WDR72: variants seen among roughly 807,000 people sequenced by gnomAD.
The protein encoded by WDR72 is WD repeat domain 72.
WDR72 carries 120 observed loss-of-function variants against 124.2 expected under a neutral mutation model. The observed-to-expected ratio is 0.97, with a 90% confidence interval of 0.83 to 1.12. WDR72 has a LOEUF of 1.12. Ranked by LOEUF, WDR72 falls within the 50% of genes most tolerant of loss-of-function variation. The pLI is 0.00. For missense variants in WDR72, 1,387 were observed against 1,278.8 expected (o/e 1.08, Z -1.29); for synonymous variants, 452 against 441.7 (o/e 1.02, Z -0.29).
intron 13 of WDR72, among the ~76,000 whole-genome samples, 191 bp downstream of exon 13, chr15:53,699,559 G>A (rs1198879693): frequency 6.6e-6 from 1 of 152,122 alleles, no homozygotes; most frequent in Non-Finnish European, 1.5e-5. Context: ...ATCATCAGTT[G>A]GTCAGGATCT....
chr15:53,583,562 G>GA (rs1266133686), intron 18 of WDR72, among the ~76,000 whole-genome samples: 9 of 151,432 alleles, frequency 5.9e-5, no homozygotes, highest in Admixed American at 4.6e-4. Context: ...TTACCACAGG[G>GA]AAAAAAAAGT....
intron 15 of WDR72, 90 bp downstream of exon 15, chr15:53,615,336 A>G: frequency 2.9e-6 from 3 of 1,045,046 alleles, no homozygotes; most frequent in Non-Finnish European, 4.2e-6. Context: ...GAAAGAAGGA[A>G]GGAATGTTAA....
At chr15:53,747,544 A>G (rs2018672112) in intron 1 of WDR72, among the ~76,000 whole-genome samples, 2 of 152,258 alleles carry the variant, frequency 1.3e-5, no homozygotes, top group Admixed American at 1.3e-4. Context: ...TTTGAATTCC[A>G]AACACTCATG....
At chr15:53,605,101 A>G (rs926304833) in intron 17 of WDR72, among the ~76,000 whole-genome samples, 1 of 152,248 alleles carries the variant, frequency 6.6e-6, no homozygotes, top group African/African-American at 2.4e-5. Flanking sequence ...ATGTCAATCA[A>G]TGGTAGACTG....
intron 18 of WDR72, among the ~76,000 whole-genome samples, chr15:53,540,006 C>G (rs972612953): frequency 4.6e-5 from 7 of 152,028 alleles, no homozygotes; most frequent in African/African-American, 1.7e-4. Context: ...TGGTGGAATG[C>G]AAACCAAAGA....
At chr15:53,702,851 C>T (rs974882437) in intron 11 of WDR72, among the ~76,000 whole-genome samples, 4 of 151,928 alleles carry the variant, frequency 2.6e-5, no homozygotes, top group African/African-American at 9.7e-5. Context: ...GTGAATACTT[C>T]GTACATTTAC....
intron 14 of WDR72, among the ~76,000 whole-genome samples, chr15:53,623,124 A>C (rs2014067897): frequency 6.6e-6 from 1 of 152,196 alleles, no homozygotes; most frequent in African/African-American, 2.4e-5. Context: ...TTGATTTCTT[A>C]ATTAACTAAC....
At chr15:53,744,757 A>G (rs2018601582) in intron 1 of WDR72, among the ~76,000 whole-genome samples, 1 of 152,238 alleles carries the variant, frequency 6.6e-6, no homozygotes, top group Admixed American at 6.5e-5. Flanking sequence ...TACTGAAGCA[A>G]GAGTTCACTA....
intron 14 of WDR72, among the ~76,000 whole-genome samples, chr15:53,638,779 A>G (rs1212191209): frequency 6.6e-6 from 1 of 152,190 alleles, no homozygotes; most frequent in Admixed American, 6.5e-5. Context: ...CAATGCGAGC[A>G]GATCACCTGA....
chr15:53,713,022 G>C (rs2017591246), intron 6 of WDR72, 131 bp from the exon 7 acceptor site: 4 of 1,027,172 alleles, frequency 3.9e-6, no homozygotes, highest in Non-Finnish European at 4.3e-6. Context: ...GTTACCTTTT[G>C]AGTGTTTTGA....
Position 53,712,198 on chromosome 15 carries a change from G to A in WDR72, c.711+574C>T, listed in dbSNP as rs2017558520. Reference sequence around the variant, plus strand: ...TATTATGGTTTGTTACTAAAATTAGGATATGCTACTACATATATAATATCT... The same window carrying A: ...TATTATGGTTTGTTACTAAAATTAGAATATGCTACTACATATATAATATCT... On this transcript the variant is annotated intron_variant, in intron 7 of 19. Transcript: ENST00000360509. Among the ~76,000 whole-genome samples, 8 of 152,148 alleles carry A rather than the reference G, an allele frequency of 5.3e-5. No homozygotes were observed. In the South Asian group the frequency reaches 1.7e-3, roughly 32 times the overall value.
At chr15:53,601,598 C>T (rs543997372) in intron 17 of WDR72, among the ~76,000 whole-genome samples, 2 of 147,020 alleles carry the variant, frequency 1.4e-5, no homozygotes, top group East Asian at 1.9e-4. Flanking sequence ...ATCGGTATGT[C>T]GTCTTCAAGA....
At chr15:53,664,159 C>G (rs574996485) in intron 14 of WDR72, among the ~76,000 whole-genome samples, 1 of 152,198 alleles carries the variant, frequency 6.6e-6, no homozygotes, top group Admixed American at 6.5e-5. Flanking sequence ...TGGCTACATT[C>G]AACTCTCAGA....
In WDR72 at chr15:53,691,672, T is replaced by C. The variant is rs1252041512; in HGVS notation, c.1765+8078A>G. Among the ~76,000 whole-genome samples, 74 of 130,026 alleles carry C rather than the reference T, an allele frequency of 5.7e-4. 1 individual carries two copies. Among genetic ancestry groups the C allele is most frequent in the South Asian group, 1.7e-3 (7 of 4,118 alleles). 85.3% of individuals were successfully genotyped at this position (130,026 alleles called of 152,430 possible). A position where few individuals can be genotyped will look rare whatever the true frequency, so the allele number is the denominator to read the frequency against. On this transcript the variant is annotated intron_variant, in intron 13 of 19. Coordinates refer to ENST00000360509, the MANE Select transcript of WDR72 (RefSeq NM_182758.4). Reference sequence around the variant, plus strand: ...ATAGATAGATAGATAGATAGATAGATAGATGTTTAACAAAAATAAAGCCAG... The same window carrying C: ...ATAGATAGATAGATAGATAGATAGACAGATGTTTAACAAAAATAAAGCCAG...
intron 9 of WDR72, among the ~76,000 whole-genome samples, chr15:53,707,260 C>A (rs1242901053): frequency 6.6e-6 from 1 of 152,172 alleles, no homozygotes; most frequent in Non-Finnish European, 1.5e-5. Context: ...GATATTGCTA[C>A]ATTTAATCTT....
At chr15:53,719,606 T>G (rs1187633937) in intron 3 of WDR72, among the ~76,000 whole-genome samples, 1 of 152,190 alleles carries the variant, frequency 6.6e-6, no homozygotes, top group African/African-American at 2.4e-5. Flanking sequence ...CTAATAAATT[T>G]CCCGTAACTC....
At position 53,673,125 on chromosome 15, in the gene WDR72, AAAAAGAAAAGAAAAG is replaced by A. The variant is rs137863835; in HGVS notation, c.1766-7372_1766-7358del. Among the ~76,000 whole-genome samples, 927 of 152,018 alleles carry A rather than the reference AAAAAGAAAAGAAAAG, an allele frequency of 6.1e-3. 10 individuals carry two copies. The highest frequency in any genetic ancestry group is 0.022 in the African/African-American group (904 of 41,288). On this transcript the variant is annotated intron_variant, in intron 13 of 19. Coordinates refer to ENST00000360509, the MANE Select transcript of WDR72 (RefSeq NM_182758.4). Reference sequence around the variant, plus strand: ...GGGTGACAGAATAAGACTGTCTCAAAAAAAGAAAAGAAAAGAAAAGAAAAGAAACTTGTTTTCAAC... The same window carrying A: ...GGGTGACAGAATAAGACTGTCTCAAAAAAAGAAAAGAAACTTGTTTTCAAC...
At chr15:53,620,344 T>C (rs2140375319) in intron 14 of WDR72, among the ~76,000 whole-genome samples, 1 of 152,122 alleles carries the variant, frequency 6.6e-6, no homozygotes, top group South Asian at 2.1e-4. Context: ...TTTAAAAATA[T>C]AATCCCATTT....
chr15:53,639,501 TA>T (rs1007097065), intron 14 of WDR72, among the ~76,000 whole-genome samples: 1 of 145,554 alleles, frequency 6.9e-6, no homozygotes, highest in African/African-American at 2.5e-5. Context: ...TATTTATTTA[TA>T]AAATTATATA....
Sources: allele counts gnomAD v4.1 joint callset (sites outside exome capture counted in the v4.1 genomes callset), GRCh38; gene constraint gnomAD v4.1.1; transcripts MANE v1.5; gene names NCBI Gene and HGNC (gene_info 2026-07-23, HGNC 2026-07-21).